PRMT8: variants seen among roughly 807,000 people sequenced by gnomAD.
PRMT8 encodes protein arginine methyltransferase 8.
PRMT8 carries 7 observed loss-of-function variants against 47.1 expected under a neutral mutation model. The observed-to-expected ratio is 0.15, with a 90% CI of 0.08 to 0.28. PRMT8 has a LOEUF of 0.28. Among genes scored for constraint, PRMT8 ranks in the 10% least tolerant of loss-of-function variants. The pLI is 1.00. For synonymous variants in PRMT8, 188 were observed against 186.5 expected, an observed-to-expected ratio of 1.01 and a Z score of -0.07; for missense variants, 237 against 505.4, an observed-to-expected ratio of 0.47 and a Z score of 5.09.
At chr12:3,421,028 C>T (rs1050857074) in intron 1 of PRMT8, among the ~76,000 whole-genome samples, 7 of 152,098 alleles carry the variant, frequency 4.6e-5, no homozygotes, top group Non-Finnish European at 8.8e-5. Context: ...TGGGAGGAGA[C>T]GATATTGTGA....
intron 4 of PRMT8, among the ~76,000 whole-genome samples, chr12:3,565,552 G>T (rs575260839): frequency 6.6e-6 from 1 of 152,172 alleles, no homozygotes; most frequent in South Asian, 2.1e-4. Context: ...AGATGTAGAA[G>T]GGTGATGTTA....
intron 1 of PRMT8, among the ~76,000 whole-genome samples, chr12:3,435,682 C>T (rs1388564838): frequency 6.6e-6 from 1 of 151,976 alleles, no homozygotes; most frequent in East Asian, 1.9e-4. Context: ...CCACCACACC[C>T]AGCTAATTTT....
chr12:3,425,765 C>G (rs919321166), intron 1 of PRMT8, among the ~76,000 whole-genome samples: 1 of 152,244 alleles, frequency 6.6e-6, no homozygotes, highest in African/African-American at 2.4e-5. Context: ...TTTTCTCCCT[C>G]TGGTTGATGA....
rs182588048 is a variant in PRMT8, at chr12:3,457,816, A to T, written c.48+76374A>T. 1.6e-3 allele frequency among the ~76,000 whole-genome samples: 225 copies of T among 142,220 alleles called. 1 individual carries two copies. Among genetic ancestry groups the T allele is most frequent in the Non-Finnish European group, 3.1e-3 (203 of 64,850 alleles). The allele number at this position is 142,220 out of a possible 152,430, so 93.3% of individuals were successfully genotyped here. On this transcript the variant is annotated intron_variant, in intron 1 of 9. Transcript: ENST00000452611. ...CCCCATCTGGATTTGGACATGATTA[A>T]TTTTGCTTTAGGTCTTTCCAGTTTG... is the stretch of plus-strand genomic sequence containing the variant.
chr12:3,400,989 C>CA (rs1012139994), intron 1 of PRMT8, among the ~76,000 whole-genome samples: 5 of 151,098 alleles, frequency 3.3e-5, no homozygotes, highest in Admixed American at 6.6e-5. Flanking sequence ...ACTAAAAATA[C>CA]AAAAAAAATT....
intron 4 of PRMT8, among the ~76,000 whole-genome samples, chr12:3,567,844 C>G (rs538578151): frequency 2.0e-5 from 3 of 152,144 alleles, no homozygotes; most frequent in Admixed American, 2.0e-4. Context: ...GAGGCCGAGG[C>G]GGGTAGATCA....
chr12:3,412,878 G>T (rs556797765), intron 1 of PRMT8, among the ~76,000 whole-genome samples: 29 of 152,210 alleles, frequency 1.9e-4, no homozygotes, highest in Admixed American at 7.9e-4. Flanking sequence ...CGCCCAAAGT[G>T]CTGGGATTAC....
At chr12:3,559,694 A>C (rs1866597719) in intron 4 of PRMT8, among the ~76,000 whole-genome samples, 1 of 152,036 alleles carries the variant, frequency 6.6e-6, no homozygotes, top group African/African-American at 2.4e-5. Context: ...CCAATCTCCC[A>C]TTGTCACCAC....
chr12:3,576,820 G>A lies in PRMT8; in HGVS notation c.713-51G>A. On this transcript the variant is annotated intron_variant, in intron 6 of 9. Coordinates refer to ENST00000382622, the MANE Select transcript of PRMT8 (RefSeq NM_019854.5). The surrounding 1 kb of genome is among the most constrained non-coding windows in gnomAD (Gnocchi z 4.0). ...GCTCTAGGACTCAGGAGGGTTGGGT[G>A]AGCTTCTGGGGGTCCTGCGCCTGCC... 1.4e-6 allele frequency: 2 copies of A among 1,472,794 alleles called. No homozygotes were observed. The highest frequency in any genetic ancestry group is 1.9e-6 in the Non-Finnish European group (2 of 1,055,462). The allele number at this position is 1,472,794 out of a possible 1,614,324, so 91.2% of individuals were successfully genotyped here. A position where few individuals can be genotyped will look rare whatever the true frequency, so the allele number is the denominator to read the frequency against.
At chr12:3,515,348 G>A (rs974257797) in intron 1 of PRMT8, among the ~76,000 whole-genome samples, 2 of 152,102 alleles carry the variant, frequency 1.3e-5, no homozygotes, top group South Asian at 2.1e-4. Context: ...TAGCATCAGC[G>A]TCACCTGGGA....
chr12:3,448,100 G>A (rs1015902971), intron 1 of PRMT8, among the ~76,000 whole-genome samples: 3 of 152,162 alleles, frequency 2.0e-5, no homozygotes, highest in Non-Finnish European at 4.4e-5. Flanking sequence ...GGGCTCAAGC[G>A]ATCCTCCAGC....
intron 1 of PRMT8, among the ~76,000 whole-genome samples, chr12:3,524,642 T>TAAAAAAA (rs34644466): frequency 1.1e-5 from 1 of 89,290 alleles, no homozygotes. Context: ...CAAGACAATC[T>TAAAAAAA]AAAAAAAAAA....
At chr12:3,555,500 G>A (rs1038839832) in intron 4 of PRMT8, among the ~76,000 whole-genome samples, 17 of 152,230 alleles carry the variant, frequency 1.1e-4, no homozygotes, top group African/African-American at 4.1e-4. Flanking sequence ...ACAGGGATCA[G>A]AGAGGGAGGA....
Position 3,437,820 on chromosome 12 carries a change from A to G in PRMT8, c.48+56378A>G, listed in dbSNP as rs559279345. ...CAACTGCAAAATGAGAGCAGCAGAC[A>G]GCTCACGGTGTCACATGCGGTGATG... On this transcript the variant is annotated intron_variant, in intron 1 of 9. Coordinates refer to the PRMT8 transcript ENST00000452611. Among the ~76,000 whole-genome samples, 372 of 152,156 alleles carry G rather than the reference A, an allele frequency of 2.4e-3. 3 individuals carry two copies. The highest frequency in any genetic ancestry group is 8.6e-3 in the African/African-American group (355 of 41,494).
At chr12:3,413,065 A>T (rs1322559128) in intron 1 of PRMT8, among the ~76,000 whole-genome samples, 1 of 152,118 alleles carries the variant, frequency 6.6e-6, no homozygotes. Context: ...GTTCTAGGTG[A>T]TGTGATTTTC....
Position 3,569,380 on chromosome 12 carries a change from G to A in PRMT8, c.625-97G>A. 1.0e-6 allele frequency: 1 copy of A among 989,186 alleles called. No individual in the cohort carries two copies. The highest frequency in any genetic ancestry group is 1.6e-5 in the African/African-American group (1 of 63,156). The allele number at this position is 989,186 out of a possible 1,614,324, so 61.3% of individuals were successfully genotyped here. On this transcript the variant is annotated intron_variant, in intron 5 of 9. Transcript: ENST00000382622. The surrounding 1 kb of genome is among the most constrained non-coding windows in gnomAD (Gnocchi z 8.2). ...CCACTGCATGAGAGATGGTGGCAAG[G>A]GGGTGCTTGTCTGGTGACTCTATGT... is the stretch of plus-strand genomic sequence containing the variant.
intron 1 of PRMT8, among the ~76,000 whole-genome samples, chr12:3,520,546 A>G (rs973202275): frequency 6.6e-6 from 1 of 152,256 alleles, no homozygotes; most frequent in Admixed American, 6.5e-5. Flanking sequence ...TAAATATCAT[A>G]AAATATCAAA....
At chr12:3,471,565 C>G (rs572079997) in intron 1 of PRMT8, among the ~76,000 whole-genome samples, 3 of 151,618 alleles carry the variant, frequency 2.0e-5, no homozygotes, top group Admixed American at 1.3e-4. Flanking sequence ...AGTCACCCCC[C>G]CTTGGCCCTG....
chr12:3,531,690 C>A (rs1025406140), intron 1 of PRMT8, among the ~76,000 whole-genome samples: 2 of 152,214 alleles, frequency 1.3e-5, no homozygotes, highest in Admixed American at 6.5e-5. Flanking sequence ...TCGCGTCAAG[C>A]GTCTCAGTGA....
Sources: allele counts gnomAD v4.1 joint callset (sites outside exome capture counted in the v4.1 genomes callset), GRCh38; gene constraint gnomAD v4.1.1; non-coding constraint Gnocchi (gnomAD v3.1); transcripts MANE v1.5; gene names NCBI Gene and HGNC (gene_info 2026-07-23, HGNC 2026-07-21).